LVRN: variants seen among roughly 807,000 people sequenced by gnomAD.
LVRN encodes laeverin.
A neutral mutation model predicts 111.4 loss-of-function variants in LVRN; 99 were observed. The observed-to-expected ratio is 0.89, with a 90% CI of 0.76 to 1.05. LVRN has a LOEUF of 1.05. Among genes scored for constraint, LVRN ranks in the 50% least tolerant of loss-of-function variants. The pLI is 0.00. For synonymous variants in LVRN, 488 were observed against 449.5 expected (o/e 1.09, Z -1.08); for missense variants, 1,414 against 1,206.8 (o/e 1.17, Z -2.54).
At chr5:116,018,944 C>A (rs547605959) in intron 18 of LVRN, among the ~76,000 whole-genome samples, 1 of 151,992 alleles carries the variant, frequency 6.6e-6, no homozygotes, top group Non-Finnish European at 1.5e-5. Context: ...CACAACCTCC[C>A]CCTCTATCAA....
At chr5:115,981,547 G>T (rs1209825150) in intron 1 of LVRN, among the ~76,000 whole-genome samples, 1 of 152,088 alleles carries the variant, frequency 6.6e-6, no homozygotes, top group African/African-American at 2.4e-5. Flanking sequence ...GGAGAATGGG[G>T]TATCCATCCC....
At chr5:115,993,035 G>A (rs905009276) in intron 5 of LVRN, among the ~76,000 whole-genome samples, 12 of 152,162 alleles carry the variant, frequency 7.9e-5, no homozygotes, top group African/African-American at 2.4e-4. Context: ...TAAGTCACCC[G>A]AAGTGTCATT....
chr5:115,985,826 T>G (rs996787598), intron 3 of LVRN, among the ~76,000 whole-genome samples: 2 of 152,232 alleles, frequency 1.3e-5, no homozygotes, highest in African/African-American at 4.8e-5. Context: ...CTCCCTATTA[T>G]AGCGGGCCTT....
chr5:116,024,032 A>C (rs1364608951), intron 19 of LVRN, among the ~76,000 whole-genome samples: 1 of 152,218 alleles, frequency 6.6e-6, no homozygotes, highest in African/African-American at 2.4e-5. Flanking sequence ...AAGCAGTCAC[A>C]TTCTGGGTAA....
intron 11 of LVRN, 77 bp from the exon 12 acceptor site, chr5:116,003,164 T>C: frequency 2.3e-6 from 3 of 1,304,744 alleles, no homozygotes; most frequent in Admixed American, 4.9e-5. Flanking sequence ...TTGTTTAGAA[T>C]CGAGTGTGTA....
chr5:115,962,722 C>G lies in LVRN; in HGVS notation c.105C>G (p.Ala35=). ...TGCTGGCGCTGGCCGTACTCGCCGC[C>G]TTGTACGGCCACTGCGAGCGCGTCC... ...ALLLALAVLA[A]LYGHCERVPP... Residue 35 remains alanine, a synonymous_variant, in exon 1 of 20, where the codon GCC becomes GCG. Transcript: ENST00000357872. 6.2e-7 allele frequency: 1 copy of G among 1,612,164 alleles called. No homozygotes were observed. Among genetic ancestry groups the G allele is most frequent in the Non-Finnish European group, 8.5e-7 (1 of 1,179,678 alleles).
intron 18 of LVRN, among the ~76,000 whole-genome samples, chr5:116,019,241 A>G (rs1185191580): frequency 6.6e-6 from 1 of 152,232 alleles, no homozygotes; most frequent in African/African-American, 2.4e-5. Context: ...ATAATGTGCT[A>G]AAAGGCATTG....
chr5:116,021,793 A>G lies in LVRN; in HGVS notation c.2757-598A>G, dbSNP rs553285956. 7.5e-4 allele frequency: 313 copies of G among 416,420 alleles called. 4 individuals carry two copies. The highest frequency in any genetic ancestry group is 2.4e-3 in the Middle Eastern group (7 of 2,860). 25.8% of individuals were successfully genotyped at this position (416,420 alleles called of 1,614,324 possible). ...TTTTTCATAGCAATACTTCACAGCT[A>G]TTTTAAGATTTTTTTTTTTCTAGAT... is the stretch of plus-strand genomic sequence containing the variant. On this transcript the variant is annotated intron_variant, in intron 18 of 19. Coordinates refer to ENST00000357872, the MANE Select transcript of LVRN (RefSeq NM_173800.5).
intron 3 of LVRN, 53 bp from the exon 4 acceptor site, chr5:115,987,760 T>C (rs62384859): frequency 6.3e-7 from 1 of 1,574,902 alleles, no homozygotes; most frequent in Non-Finnish European, 8.6e-7. Context: ...AGACTACCTC[T>C]TTCCAAAATC....
intron 1 of LVRN, among the ~76,000 whole-genome samples, chr5:115,972,218 CTG>C (rs1287968018): frequency 1.1e-4 from 16 of 152,126 alleles, no homozygotes; most frequent in Non-Finnish European, 2.1e-4. Flanking sequence ...TTGAAAGACA[CTG>C]TTAAAAGAAT....
rs1753099721 is a variant in LVRN, at chr5:115,962,548, C to A, written c.-70C>A. The A allele has an allele frequency of 2.1e-6, 3 of 1,432,876 alleles. No homozygotes were observed. Among genetic ancestry groups the A allele is most frequent in the East Asian group, 2.3e-5 (1 of 43,592 alleles). The allele number at this position is 1,432,876 out of a possible 1,614,324, so 88.8% of individuals were successfully genotyped here. A position where few individuals can be genotyped will look rare whatever the true frequency, so the allele number is the denominator to read the frequency against. On this transcript the variant is annotated 5_prime_UTR_variant, in exon 1 of 20. Transcript: ENST00000357872. Reference sequence around the variant, plus strand: ...GGGGCAGGGGTCGCAGCACTGAACACCCTGGCCGGGGTTTTGACAGCTGCC... The same window carrying A: ...GGGGCAGGGGTCGCAGCACTGAACAACCTGGCCGGGGTTTTGACAGCTGCC...
intron 16 of LVRN, 149 bp from the exon 17 acceptor site, chr5:116,015,103 C>T (rs1163659810): frequency 1.9e-6 from 1 of 522,460 alleles, no homozygotes; most frequent in East Asian, 3.4e-5. Flanking sequence ...ATGCTAATGA[C>T]AGTTCTGATA....
intron 1 of LVRN, among the ~76,000 whole-genome samples, chr5:115,982,894 T>G (rs1747743143): frequency 6.6e-6 from 1 of 152,168 alleles, no homozygotes; most frequent in Admixed American, 6.6e-5. Context: ...TTCCCCTGAC[T>G]TTTACTTTAG....
Position 116,026,358 on chromosome 5 carries a change from A to G in LVRN, c.*240A>G. The G allele has an allele frequency of 2.0e-6, 1 of 500,030 alleles. No homozygotes were observed. The highest frequency in any genetic ancestry group is 3.5e-6 in the Non-Finnish European group (1 of 281,748). 31.0% of individuals were successfully genotyped at this position (500,030 alleles called of 1,614,324 possible). A position where few individuals can be genotyped will look rare whatever the true frequency, so the allele number is the denominator to read the frequency against. ...AAGATGTCACTTCATGTTGGGTTAT[A>G]ATCCCACAGAATTTACTTTAAATGT... On this transcript the variant is annotated 3_prime_UTR_variant, in exon 20 of 20. Coordinates refer to ENST00000357872, the MANE Select transcript of LVRN (RefSeq NM_173800.5).
At chr5:116,015,865 G>C (rs1748594522) in intron 18 of LVRN, 100 bp downstream of exon 18, 1 of 1,405,010 alleles carries the variant, frequency 7.1e-7, no homozygotes, top group South Asian at 1.5e-5. Context: ...AGTCTAGCTA[G>C]GCCACAAACG....
chr5:115,983,326 G>C lies in LVRN; in HGVS notation c.735G>C (p.Arg245Ser). The C allele has an allele frequency of 6.2e-7, 1 of 1,609,538 alleles. No homozygotes were observed. Among genetic ancestry groups the C allele is most frequent in the Non-Finnish European group, 8.5e-7 (1 of 1,178,700 alleles). ...LASQLEPTFA[R>S]YVFPCFDEPA... ...CCCAGCTGGAACCAACATTTGCCAG[G>C]TATGTTTTCCCTTGTTTTGATGAGC... The change falls in exon 2 of 20, where the codon AGG (arginine) becomes AGC (serine). Residue 245 changes from arginine (R) to serine (S), a missense_variant. Physicochemically the swap from Arg to Ser is moderately radical, Grantham distance 110 (BLOSUM62 -1). Transcript: ENST00000357872.
intron 1 of LVRN, among the ~76,000 whole-genome samples, chr5:115,965,462 A>C (rs549212351): frequency 3.3e-5 from 5 of 152,242 alleles, no homozygotes; most frequent in Non-Finnish European, 7.3e-5. Flanking sequence ...ACTAGAATTA[A>C]AAATTTTTAA....
chr5:115,993,317 A>G (rs1198300970), intron 5 of LVRN, among the ~76,000 whole-genome samples: 2 of 152,158 alleles, frequency 1.3e-5, no homozygotes, highest in African/African-American at 2.4e-5. Context: ...TTCTTAAAAT[A>G]TAAACAACTG....
chr5:115,990,955 A>G lies in LVRN; in HGVS notation c.1106-1168A>G, dbSNP rs78572757. Among the ~76,000 whole-genome samples the G allele has an allele frequency of 8.4e-3, 1,271 of 152,190 alleles. 18 individuals are homozygous for G. Among genetic ancestry groups the G allele is most frequent in the African/African-American group, 0.029 (1,222 of 41,530 alleles). On this transcript the variant is annotated intron_variant, in intron 4 of 19. Transcript: ENST00000357872. ...TGCAAAAAATACAGAGAGTTCCCAT[A>G]TATTCTCTCTTTCCTTTCTTCTCCC...
Sources: gnomAD v4.1 joint callset for allele counts (sites outside exome capture counted in the v4.1 genomes callset) on GRCh38, gnomAD v4.1.1 for gene constraint, MANE v1.5 for transcripts, NCBI Gene and HGNC (gene_info 2026-07-23, HGNC 2026-07-21) for gene names.